Variants in KDM4C observed in about 807,000 individuals in gnomAD.
The protein encoded by KDM4C is lysine-specific demethylase 4C.
Under a neutral mutation model 129.3 loss-of-function variants are expected in KDM4C, and 81 were observed. The ratio of observed to expected loss-of-function variants is 0.63; its 90% confidence interval spans 0.52 to 0.75. The LOEUF (loss-of-function observed/expected upper bound fraction) is 0.75, where lower values mean the gene tolerates loss of function less well. KDM4C is among the 30% of genes least tolerant of loss of function. The pLI, the probability that KDM4C is intolerant of heterozygous loss-of-function variation, is 0.00. For missense variants in KDM4C, 1,457 were observed against 1,304.0 expected (o/e 1.12, Z -1.81); for synonymous variants, 573 against 456.1 (o/e 1.26, Z -3.26).
At chr9:7,117,476 T>G (rs1484922826) in intron 18 of KDM4C, among the ~76,000 whole-genome samples, 1 of 152,180 alleles carries the variant, frequency 6.6e-6, no homozygotes, top group Non-Finnish European at 1.5e-5. Flanking sequence ...AAGGAAATAT[T>G]ACCTTATTGT....
chr9:7,096,588 C>T (rs1480151738), intron 17 of KDM4C, among the ~76,000 whole-genome samples: 2 of 152,226 alleles, frequency 1.3e-5, no homozygotes, highest in African/African-American at 4.8e-5. Context: ...TACATATTCC[C>T]TACCTGGGAG....
chr9:6,815,749 A>G (rs1475743357), intron 4 of KDM4C, among the ~76,000 whole-genome samples: 1 of 152,216 alleles, frequency 6.6e-6, no homozygotes, highest in Non-Finnish European at 1.5e-5. Flanking sequence ...ACCTGTAAGT[A>G]TAATGCAAAT....
intron 1 of KDM4C, among the ~76,000 whole-genome samples, chr9:6,779,032 CTTT>C (rs60503128): frequency 3.2e-5 from 3 of 94,626 alleles, no homozygotes; most frequent in South Asian, 4.5e-4. Context: ...TGATTAAAGT[CTTT>C]TTTTTTTTTT....
At position 6,758,153 on chromosome 9, in the gene KDM4C, C is replaced by T. The variant is rs1031956808; in HGVS notation, c.-68C>T. On this transcript the variant is annotated 5_prime_UTR_variant, in exon 1 of 22. Coordinates refer to ENST00000381309, the MANE Select transcript of KDM4C (RefSeq NM_015061.6). The surrounding 1 kb of genome is among the most constrained non-coding windows in gnomAD (Gnocchi z 4.6). ...ATCTCCCTGGGCCGGAGGCCACTGT[C>T]TTCTCTTCCTCCTCCACCGAGTCGT... The T allele has an allele frequency of 3.2e-5, 32 of 985,736 alleles. No homozygotes were observed. Among genetic ancestry groups the T allele is most frequent in the Admixed American group, 6.1e-5 (1 of 16,274 alleles). The allele number at this position is 985,736 out of a possible 1,614,324, so 61.1% of individuals were successfully genotyped here.
intron 4 of KDM4C, among the ~76,000 whole-genome samples, chr9:6,827,493 C>T (rs1021301987): frequency 1.3e-5 from 2 of 152,170 alleles, no homozygotes; most frequent in Non-Finnish European, 2.9e-5. Context: ...AACCTATAGA[C>T]TTTTTTTCCC....
intron 5 of KDM4C, among the ~76,000 whole-genome samples, chr9:6,860,104 T>C (rs187680608): frequency 2.3e-4 from 35 of 152,236 alleles, no homozygotes; most frequent in Admixed American, 2.2e-3. Flanking sequence ...GTGCTCCTCA[T>C]TTTGGGGGGC....
intron 19 of KDM4C, among the ~76,000 whole-genome samples, chr9:7,161,044 CCT>C (rs1331360426): frequency 6.6e-6 from 1 of 152,188 alleles, no homozygotes; most frequent in Non-Finnish European, 1.5e-5. Flanking sequence ...ATGGCAGACG[CCT>C]CTCCCCCAAC....
At chr9:6,861,230 A>C (rs1386843598) in intron 5 of KDM4C, among the ~76,000 whole-genome samples, 1 of 152,128 alleles carries the variant, frequency 6.6e-6, no homozygotes, top group Non-Finnish European at 1.5e-5. Context: ...ACTCTTCATT[A>C]ATTTGTGTAT....
At chr9:6,927,089 T>TTCTATCTATCTATCTATCTA (rs34242647) in intron 8 of KDM4C, among the ~76,000 whole-genome samples, 18 of 145,200 alleles carry the variant, frequency 1.2e-4, no homozygotes, top group South Asian at 6.8e-4. Context: ...AAAAAAAATT[T>TTCTATCTATCTATCTATCTA]TCTATCTATC....
chr9:7,039,400 A>G (rs545391181), intron 15 of KDM4C, among the ~76,000 whole-genome samples: 10 of 152,084 alleles, frequency 6.6e-5, no homozygotes, highest in African/African-American at 2.4e-4. Context: ...AGAATTCTGT[A>G]TGGTTGATTT....
At chr9:6,940,000 T>A (rs1386165135) in intron 8 of KDM4C, among the ~76,000 whole-genome samples, 29 of 122,746 alleles carry the variant, frequency 2.4e-4, no homozygotes, top group Non-Finnish European at 4.7e-4. Flanking sequence ...CTTCCTTCCT[T>A]CCTTCCTTCC....
intron 19 of KDM4C, among the ~76,000 whole-genome samples, chr9:7,131,697 A>G (rs1840659854): frequency 6.6e-6 from 1 of 152,136 alleles, no homozygotes; most frequent in Non-Finnish European, 1.5e-5. Flanking sequence ...CTACATCAGA[A>G]CTGTTGTCTG....
chr9:6,804,447 T>C (rs12345711), intron 2 of KDM4C, among the ~76,000 whole-genome samples: 1 of 152,206 alleles, frequency 6.6e-6, no homozygotes, highest in Admixed American at 6.5e-5. Flanking sequence ...ATCGCCATAT[T>C]GTGTGAGAAG....
chr9:7,175,144 G>A lies in KDM4C; in HGVS notation c.*415G>A, dbSNP rs184715486. On this transcript the variant is annotated 3_prime_UTR_variant, in exon 22 of 22. Coordinates refer to ENST00000381309, the MANE Select transcript of KDM4C (RefSeq NM_015061.6). ...CACCTCGGTACCCAGCGGGTAGGGC[G>A]ATAATTTATATATTTTCCACAGTCA... is the stretch of plus-strand genomic sequence containing the variant. The A allele has an allele frequency of 3.8e-4, 60 of 158,990 alleles. No individual in the cohort carries two copies. Among genetic ancestry groups the A allele is most frequent in the African/African-American group, 1.3e-3 (54 of 41,774 alleles). The allele number at this position is 158,990 out of a possible 1,614,324, so 9.8% of individuals were successfully genotyped here.
rs72701419 is a variant in KDM4C, at chr9:6,828,005, G to T, written c.435+13260G>T. Reference sequence around the variant, plus strand: ...TTCTAGAAGCTGTGTTTTCAGAGGGGTGTTGCCAGAGCAGCACAGCTGGGA... The same window carrying T: ...TTCTAGAAGCTGTGTTTTCAGAGGGTTGTTGCCAGAGCAGCACAGCTGGGA... On this transcript the variant is annotated intron_variant, in intron 4 of 21. Coordinates refer to ENST00000381309, the MANE Select transcript of KDM4C (RefSeq NM_015061.6). 1.2e-3 allele frequency among the ~76,000 whole-genome samples: 185 copies of T among 152,282 alleles called. 1 individual carries two copies. The highest frequency in any genetic ancestry group is 7.5e-3 in the East Asian group (39 of 5,190).
chr9:6,999,065 A>C (rs1467452932), intron 12 of KDM4C, among the ~76,000 whole-genome samples: 1 of 152,210 alleles, frequency 6.6e-6, no homozygotes, highest in African/African-American at 2.4e-5. Context: ...ATTGTCCCTC[A>C]AACAAAAGGA....
rs555015815 is a variant in KDM4C, at chr9:6,944,634, C to G, written c.922-36291C>G. Among the ~76,000 whole-genome samples, 9 of 121,918 alleles carry G rather than the reference C, an allele frequency of 7.4e-5. 1 individual carries two copies. In the South Asian group the frequency reaches 2.8e-3, roughly 38 times the overall value. 80.0% of individuals were successfully genotyped at this position (121,918 alleles called of 152,430 possible). A position where few individuals can be genotyped will look rare whatever the true frequency, so the allele number is the denominator to read the frequency against. On this transcript the variant is annotated intron_variant, in intron 8 of 21. Coordinates refer to ENST00000381309, the MANE Select transcript of KDM4C (RefSeq NM_015061.6). Reference sequence around the variant, plus strand: ...TCCTCTAAAATCCACCAGCAACACACTTTTTGTCAAGGTAGAGGTTTTTTT... The same window carrying G: ...TCCTCTAAAATCCACCAGCAACACAGTTTTTGTCAAGGTAGAGGTTTTTTT...
intron 1 of KDM4C, among the ~76,000 whole-genome samples, chr9:6,747,904 G>A (rs1025582226): frequency 3.9e-5 from 6 of 152,024 alleles, no homozygotes; most frequent in Non-Finnish European, 8.8e-5. Flanking sequence ...GAGGCTGGGC[G>A]CTGTGGCTCA....
chr9:7,170,296 A>G (rs185936724), intron 21 of KDM4C: 49 of 1,057,916 alleles, frequency 4.6e-5, no homozygotes, highest in East Asian at 2.6e-4. Context: ...ATGTCTGTCT[A>G]TTCTTTTATA....
Sources: gnomAD v4.1 joint callset for allele counts (sites outside exome capture counted in the v4.1 genomes callset) on GRCh38, gnomAD v4.1.1 for gene constraint, Gnocchi (gnomAD v3.1) non-coding constraint, MANE v1.5 for transcripts, NCBI Gene and HGNC (gene_info 2026-07-23, HGNC 2026-07-21) for gene names.